Variants in EXOC6 observed in about 807,000 individuals in gnomAD.
The protein encoded by EXOC6 is exocyst complex component 6.
EXOC6 carries 60 observed loss-of-function variants against 112.5 expected under a neutral mutation model. That is an observed-to-expected ratio of 0.53 (90% CI 0.43 to 0.66). The LOEUF (loss-of-function observed/expected upper bound fraction) is 0.66. Among genes scored for constraint, EXOC6 ranks in the 30% least tolerant of loss-of-function variants. The probability of loss-of-function intolerance (pLI) is 0.00; values close to 1 mark genes in which losing one functional copy is unlikely to be tolerated. For missense variants in EXOC6, 855 were observed against 957.1 expected (o/e 0.89, Z 1.41); for synonymous variants, 295 against 308.0 (o/e 0.96, Z 0.44).
intron 19 of EXOC6, among the ~76,000 whole-genome samples, chr10:93,011,270 T>C (rs1326212086): frequency 2.0e-5 from 3 of 151,958 alleles, no homozygotes; most frequent in South Asian, 2.1e-4. Context: ...TAAGTATTTT[T>C]TTTTAAGACA....
chr10:93,023,016 A>C (rs1177594810), intron 20 of EXOC6, among the ~76,000 whole-genome samples: 1 of 131,276 alleles, frequency 7.6e-6, no homozygotes, highest in African/African-American at 2.9e-5. Flanking sequence ...TCAGTCTGTG[A>C]TCCATTTCTG....
intron 20 of EXOC6, among the ~76,000 whole-genome samples, chr10:93,023,154 T>TG (rs1844864163): frequency 6.6e-6 from 1 of 152,154 alleles, no homozygotes. Flanking sequence ...CTTCATGAGT[T>TG]GCTATGAAAG....
At chr10:92,996,269 G>A (rs1402499259) in intron 18 of EXOC6, among the ~76,000 whole-genome samples, 1 of 152,146 alleles carries the variant, frequency 6.6e-6, no homozygotes, top group African/African-American at 2.4e-5. Flanking sequence ...GTTGAAGGTA[G>A]CCATCCTAGG....
chr10:92,943,409 A>C (rs1852787436), intron 13 of EXOC6, among the ~76,000 whole-genome samples: 1 of 152,140 alleles, frequency 6.6e-6, no homozygotes, highest in African/African-American at 2.4e-5. Flanking sequence ...TGACAACCTA[A>C]CAATTAAATG....
intron 1 of EXOC6, among the ~76,000 whole-genome samples, chr10:92,860,844 A>G (rs1010749425): frequency 2.0e-5 from 3 of 150,836 alleles, no homozygotes; most frequent in African/African-American, 7.5e-5. Context: ...CATTTTGTTT[A>G]TCTGTCATTT....
chr10:93,004,710 T>G (rs1843900530), intron 19 of EXOC6, among the ~76,000 whole-genome samples: 1 of 152,214 alleles, frequency 6.6e-6, no homozygotes. Flanking sequence ...AATATAGAAT[T>G]ATATGAACTT....
At chr10:92,942,138 C>G (rs1564848292) in intron 13 of EXOC6, among the ~76,000 whole-genome samples, 1 of 152,154 alleles carries the variant, frequency 6.6e-6, no homozygotes, top group Non-Finnish European at 1.5e-5. Context: ...TGCCTGTAAT[C>G]CCAGCACTTT....
rs539202842 is a variant in EXOC6, at chr10:92,925,937, A to G, written c.889-2402A>G. Among the ~76,000 whole-genome samples the G allele has an allele frequency of 7.2e-5, 11 of 152,080 alleles. 1 individual carries two copies. The highest frequency in any genetic ancestry group is 3.4e-3 in the Middle Eastern group (1 of 294). ...TTCAGCCTCATCTTTACTTTTTTTGAAGTGAAACTTGGAGTCAGACTTTTC... is the reference window on the plus strand; with the variant it reads ...TTCAGCCTCATCTTTACTTTTTTTGGAGTGAAACTTGGAGTCAGACTTTTC... On this transcript the variant is annotated intron_variant, in intron 8 of 21. Transcript: ENST00000260762.
intron 3 of EXOC6, 26 bp downstream of exon 3, chr10:92,894,867 A>T: frequency 6.2e-7 from 1 of 1,612,282 alleles, no homozygotes; most frequent in Non-Finnish European, 8.5e-7. Flanking sequence ...TTTTCTGGGT[A>T]TTCAGTATGT....
Position 92,871,989 on chromosome 10 carries a change from T to A in EXOC6, c.102-21360T>A, listed in dbSNP as rs1453051717. Among the ~76,000 whole-genome samples the A allele has an allele frequency of 6.6e-5, 10 of 152,110 alleles. No individual in the cohort carries two copies. In the South Asian group the frequency reaches 1.3e-3, roughly 19 times the overall value. On this transcript the variant is annotated intron_variant, in intron 1 of 21. Coordinates refer to ENST00000260762, the MANE Select transcript of EXOC6 (RefSeq NM_019053.6). ...GGTTTGCCTGTTTTGTTGATTTTTT[T>A]AAAAAACCTGTTTAGTAGTTCCATA... is the stretch of plus-strand genomic sequence containing the variant.
intron 18 of EXOC6, among the ~76,000 whole-genome samples, chr10:92,978,387 G>A: frequency 6.6e-6 from 1 of 151,932 alleles, no homozygotes; most frequent in East Asian, 1.9e-4. Context: ...TCCAGCTTGG[G>A]TGACAGAGTG....
At chr10:92,914,476 T>C (rs1850973054) in intron 6 of EXOC6, among the ~76,000 whole-genome samples, 1 of 152,250 alleles carries the variant, frequency 6.6e-6, no homozygotes, top group Non-Finnish European at 1.5e-5. Context: ...AACCCTTTTT[T>C]CAAGGAACAT....
chr10:92,952,919 AG>A (rs1853501193), intron 15 of EXOC6, among the ~76,000 whole-genome samples: 1 of 152,144 alleles, frequency 6.6e-6, no homozygotes, highest in Non-Finnish European at 1.5e-5. Flanking sequence ...ATAGACACCT[AG>A]GTTGATTCTG....
At chr10:92,891,769 C>T (rs1371103832) in intron 1 of EXOC6, among the ~76,000 whole-genome samples, 1 of 152,174 alleles carries the variant, frequency 6.6e-6, no homozygotes, top group Non-Finnish European at 1.5e-5. Flanking sequence ...GTGTGAGCCA[C>T]TGCACCTGGC....
chr10:92,949,233 A>T (rs1853243350), intron 14 of EXOC6, among the ~76,000 whole-genome samples: 1 of 151,876 alleles, frequency 6.6e-6, no homozygotes, highest in East Asian at 1.9e-4. Context: ...CCAAATTCTG[A>T]GTGAATCATG....
At chr10:93,031,978 C>T (rs773178761) in intron 20 of EXOC6, among the ~76,000 whole-genome samples, 22 of 152,172 alleles carry the variant, frequency 1.4e-4, no homozygotes, top group Non-Finnish European at 2.9e-4. Flanking sequence ...GACTAAGCAA[C>T]CATTAGCCAT....
intron 1 of EXOC6, among the ~76,000 whole-genome samples, chr10:92,842,873 C>A (rs1041202926): frequency 1.3e-5 from 2 of 151,816 alleles, no homozygotes; most frequent in African/African-American, 4.8e-5. Context: ...GGGCCCAGGG[C>A]AAAATGAAAA....
At chr10:92,890,342 A>C (rs1048705789) in intron 1 of EXOC6, among the ~76,000 whole-genome samples, 2 of 152,166 alleles carry the variant, frequency 1.3e-5, no homozygotes, top group Non-Finnish European at 2.9e-5. Context: ...CAGGTGGCTT[A>C]CCTGAGGTTG....
At position 92,937,829 on chromosome 10, in the gene EXOC6, A is replaced by G. The variant is rs142178076; in HGVS notation, c.1212+1944A>G. ...TAATTTTGGATAGTAATTTTGCTGT[A>G]CTTAATGACTTAAAGCACTTCTTCT... On this transcript the variant is annotated intron_variant, in intron 12 of 21. Transcript: ENST00000260762. 3.3e-3 allele frequency among the ~76,000 whole-genome samples: 502 copies of G among 152,312 alleles called. 3 individuals carry two copies. Among genetic ancestry groups the G allele is most frequent in the African/African-American group, 0.011 (476 of 41,582 alleles).
Sources: gnomAD v4.1 joint callset for allele counts (sites outside exome capture counted in the v4.1 genomes callset) on GRCh38, gnomAD v4.1.1 for gene constraint, MANE v1.5 for transcripts, NCBI Gene and HGNC (gene_info 2026-07-23, HGNC 2026-07-21) for gene names.